The following ZNF610 variants were observed in gnomAD, a reference collection of about 807,000 sequenced individuals.
The protein encoded by ZNF610 is zink finger protein.
In ZNF610, 14 loss-of-function variants were observed where a neutral mutation model predicts 14.1. That is an observed-to-expected ratio of 0.99 (90% CI 0.65 to 1.55). ZNF610 has a LOEUF of 1.55. ZNF610 is among the 40% of genes most tolerant of loss of function. ZNF610 has a pLI of 0.00. For missense variants in ZNF610, 530 were observed against 558.0 expected (o/e 0.95, Z 0.51); for synonymous variants, 185 against 187.6 (o/e 0.99, Z 0.11).
At chr19:52,332,541 T>TA (rs1984237843), upstream of ZNF610, among the ~76,000 whole-genome samples, 1 of 151,996 alleles carries the variant, frequency 6.6e-6, no homozygotes, top group Non-Finnish European at 1.5e-5. The surrounding 1 kb of genome is among the most constrained non-coding windows in gnomAD (Gnocchi z 4.1). Flanking sequence ...CAACTGAAAA[T>TA]AAAAAACAGG....
chr19:52,338,743 C>T lies in ZNF610; in HGVS notation c.-258+2237C>T, dbSNP rs571030526. ...GAGACGGAGTTTCGGTCTTGTTGCC[C>T]TGGCTGGTGTGCACTGGCGCGATAT... On this transcript the variant is annotated intron_variant, in intron 1 of 5. Coordinates refer to ENST00000403906, the MANE Select transcript of ZNF610 (RefSeq NM_001161425.2). Among the ~76,000 whole-genome samples, 31 of 152,192 alleles carry T rather than the reference C, an allele frequency of 2.0e-4. No homozygotes were observed. The East Asian group carries it at 4.8e-3, about 24-fold the overall frequency.
At chr19:52,339,576 G>A (rs1984571406) in intron 1 of ZNF610, among the ~76,000 whole-genome samples, 1 of 146,736 alleles carries the variant, frequency 6.8e-6, no homozygotes, top group Admixed American at 6.7e-5. Context: ...AACACAGCAC[G>A]TGTTTCTGCG....
At chr19:52,339,999 C>T (rs940874615) in intron 1 of ZNF610, among the ~76,000 whole-genome samples, 4 of 152,192 alleles carry the variant, frequency 2.6e-5, no homozygotes, top group Non-Finnish European at 5.9e-5. Context: ...TGAGGGGCAG[C>T]CTTGTGGGAC....
At chr19:52,338,944 T>C (rs1984523440) in intron 1 of ZNF610, among the ~76,000 whole-genome samples, 1 of 144,408 alleles carries the variant, frequency 6.9e-6, no homozygotes, top group Non-Finnish European at 1.5e-5. Context: ...GTCTCTGAGT[T>C]CCCTCAGTAT....
intron 1 of ZNF610, among the ~76,000 whole-genome samples, chr19:52,338,235 A>G (rs1328605564): frequency 1.3e-5 from 2 of 152,234 alleles, no homozygotes; most frequent in East Asian, 1.9e-4. Context: ...GGGGGTTCCC[A>G]TGACCCTTTC....
intron 5 of ZNF610, among the ~76,000 whole-genome samples, chr19:52,356,737 T>C (rs1006419960): frequency 3.3e-5 from 5 of 152,188 alleles, no homozygotes; most frequent in African/African-American, 1.2e-4. Flanking sequence ...TATGGAAATT[T>C]TTTATATCTT....
rs1984385990 is a variant in ZNF610 at position 52,336,482 on chromosome 19, C to A, written c.-282C>A. On this transcript the variant is annotated 5_prime_UTR_variant, in exon 1 of 6. Transcript: ENST00000403906. ...AAAATCGCTCGGCGACGGGTCCTGT[C>A]CCCGCTCGTTCTGCCTTGGGCCAGG... is the stretch of plus-strand genomic sequence containing the variant. 1.8e-5 allele frequency: 3 copies of A among 165,202 alleles called. No homozygotes were observed. In the South Asian group the frequency reaches 4.0e-4, roughly 22 times the overall value. 10.2% of individuals were successfully genotyped at this position (165,202 alleles called of 1,614,324 possible).
intron 1 of ZNF610, among the ~76,000 whole-genome samples, chr19:52,339,261 T>C (rs1449049084): frequency 6.6e-6 from 1 of 151,788 alleles, no homozygotes; most frequent in Non-Finnish European, 1.5e-5. Flanking sequence ...CTTCCTCTTA[T>C]CTTAACTGCA....
At chr19:52,340,334 G>C (rs933252625) in intron 1 of ZNF610, among the ~76,000 whole-genome samples, 3 of 152,178 alleles carry the variant, frequency 2.0e-5, no homozygotes, top group Non-Finnish European at 4.4e-5. Flanking sequence ...GGTGAGCTAA[G>C]ACCGCGCCAC....
chr19:52,358,435 G>T (rs1202728891), intron 5 of ZNF610, among the ~76,000 whole-genome samples: 1 of 152,190 alleles, frequency 6.6e-6, no homozygotes, highest in Non-Finnish European at 1.5e-5. Context: ...ACCCACCTCA[G>T]CCTCCAAAAG....
In ZNF610 at chr19:52,366,974, T is replaced by C; in HGVS notation, c.*207T>C. ...AATCTATAAAGAGAGAACAGTTATA[T>C]CAGAATAGAGCATTTAATGAAAACT... On this transcript the variant is annotated 3_prime_UTR_variant, in exon 6 of 6. Coordinates refer to ENST00000403906, the MANE Select transcript of ZNF610 (RefSeq NM_001161425.2). 1 of 533,668 alleles carries C rather than the reference T, an allele frequency of 1.9e-6. No homozygotes were observed. Among genetic ancestry groups the C allele is most frequent in the Non-Finnish European group, 3.3e-6 (1 of 306,722 alleles). 33.1% of individuals were successfully genotyped at this position (533,668 alleles called of 1,614,324 possible). A position where few individuals can be genotyped will look rare whatever the true frequency, so the allele number is the denominator to read the frequency against.
At chr19:52,352,036 CA>C (rs751409100) in intron 3 of ZNF610, among the ~76,000 whole-genome samples, 59 of 152,122 alleles carry the variant, frequency 3.9e-4, no homozygotes, top group Non-Finnish European at 1.2e-4. Flanking sequence ...TTTTTGTCTC[CA>C]GGGGGACAGA....
chr19:52,363,664 A>G (rs1227742241), intron 5 of ZNF610, among the ~76,000 whole-genome samples: 1 of 152,122 alleles, frequency 6.6e-6, no homozygotes, highest in Non-Finnish European at 1.5e-5. Context: ...GTTCTCTTTG[A>G]TTTTAATATA....
At chr19:52,348,480 C>T (rs1985074068) in intron 2 of ZNF610, among the ~76,000 whole-genome samples, 1 of 152,058 alleles carries the variant, frequency 6.6e-6, no homozygotes, top group Admixed American at 6.6e-5. Flanking sequence ...AGACTGAGGG[C>T]CGAGTGTAGA....
At chr19:52,345,184 T>C (rs1984878988) in intron 1 of ZNF610, 2 of 152,188 alleles carry the variant, frequency 1.3e-5, no homozygotes, top group East Asian at 3.8e-4. Context: ...CCACGACCCC[T>C]GAGGATACCA....
the ZNF610 span, among the ~76,000 whole-genome samples, chr19:52,331,054 C>G: frequency 6.6e-6 from 1 of 152,302 alleles, no homozygotes; most frequent in South Asian, 2.1e-4. Context: ...CCCAACTCCA[C>G]AAATGCAGGC....
chr19:52,351,707 C>T (rs1985261468), intron 3 of ZNF610, among the ~76,000 whole-genome samples: 2 of 152,128 alleles, frequency 1.3e-5, no homozygotes, highest in Non-Finnish European at 2.9e-5. Context: ...TCCGCACCGC[C>T]ACCTAGTATC....
Position 52,366,534 on chromosome 19 carries a change from G to A in ZNF610, c.1156G>A (p.Gly386Ser), listed in dbSNP as rs368013871. Residue 386 changes from glycine (G) to serine (S), a missense_variant, in exon 6 of 6, where the codon GGC (glycine) becomes AGC (serine). Physicochemically the swap from Gly to Ser is moderately conservative, Grantham distance 56 (BLOSUM62 0). Transcript: ENST00000403906. Reference protein sequence around the residue: ...ECGRAFHKRPGLMAHLLIHTG... With the variant: ...ECGRAFHKRPSLMAHLLIHTG... The stretch of plus-strand genomic sequence containing the variant: ...TGGAAGAGCATTTCACAAGCGTCCG[G>A]GCCTTATGGCCCATCTTCTAATCCA... The A allele has an allele frequency of 1.7e-5, 28 of 1,613,836 alleles. No individual in the cohort carries two copies. The highest frequency in any genetic ancestry group is 2.7e-5 in the African/African-American group (2 of 74,822).
intron 1 of ZNF610, among the ~76,000 whole-genome samples, chr19:52,344,731 A>T (rs1194203860): frequency 6.6e-6 from 1 of 152,156 alleles, no homozygotes; most frequent in Non-Finnish European, 1.5e-5. Context: ...AAAAATGAAG[A>T]ATGTACAACT....
Sources: gnomAD v4.1 joint callset for allele counts (sites outside exome capture counted in the v4.1 genomes callset) on GRCh38, gnomAD v4.1.1 for gene constraint, Gnocchi (gnomAD v3.1) non-coding constraint, MANE v1.5 for transcripts, NCBI Gene and HGNC (gene_info 2026-07-23, HGNC 2026-07-21) for gene names.